The following SLC8A3 variants were observed in gnomAD, a reference collection of about 807,000 sequenced individuals.
SLC8A3 encodes sodium/calcium exchanger 3.
In SLC8A3, 37 loss-of-function variants were observed where a neutral mutation model predicts 65.4. The ratio of observed to expected loss-of-function variants is 0.57; its 90% CI spans 0.44 to 0.74. The LOEUF is 0.74. Among genes scored for constraint, SLC8A3 ranks in the 30% least tolerant of loss-of-function variants. SLC8A3 has a pLI of 0.00. For missense variants in SLC8A3, 1,112 were observed against 1,172.1 expected (o/e 0.95, Z 0.75); for synonymous variants, 461 against 444.5 (o/e 1.04, Z -0.47).
intron 2 of SLC8A3, among the ~76,000 whole-genome samples, chr14:70,144,218 T>C (rs1895752282): frequency 6.6e-6 from 1 of 151,730 alleles, no homozygotes; most frequent in Non-Finnish European, 1.5e-5. Context: ...CTCCGTCTGT[T>C]GCCACAGCCT....
intron 1 of SLC8A3, among the ~76,000 whole-genome samples, chr14:70,181,699 T>C (rs984338676): frequency 2.0e-5 from 3 of 152,092 alleles, no homozygotes; most frequent in Non-Finnish European, 4.4e-5. Context: ...AGGCTAGATA[T>C]GGAGTGGGGC....
In SLC8A3 at chr14:70,066,890, T is replaced by C. The variant is rs541983651; in HGVS notation, c.1785-5951A>G. 7.2e-5 allele frequency among the ~76,000 whole-genome samples: 11 copies of C among 152,138 alleles called. No homozygotes were observed. The East Asian group carries it at 1.9e-3, about 27-fold the overall frequency. On this transcript the variant is annotated intron_variant, in intron 2 of 6. Transcript: ENST00000356921. Reference sequence around the variant, plus strand: ...GGCTTTGCAGTAGCCTCCTAAGAGATTTTCCTGTTCCTGCCTTTGCCCTCT... The same window carrying C: ...GGCTTTGCAGTAGCCTCCTAAGAGACTTTCCTGTTCCTGCCTTTGCCCTCT...
chr14:70,100,194 C>T (rs1006784727), intron 2 of SLC8A3, among the ~76,000 whole-genome samples: 2 of 152,166 alleles, frequency 1.3e-5, no homozygotes, highest in Non-Finnish European at 2.9e-5. Context: ...GCTTCTGAGC[C>T]AAAGTGTTGC....
rs1250596233 is a variant in SLC8A3 at position 70,166,360 on chromosome 14, C to G, written c.1784+279G>C. On this transcript the variant is annotated intron_variant, in intron 2 of 6. Transcript: ENST00000356921. ...AAACTTCTGTCATCCCACAGCTCCA[C>G]CAGCTATCATTTTGTGTTTCAGAGA... Among the ~76,000 whole-genome samples the G allele has an allele frequency of 4.6e-5, 7 of 152,226 alleles. 1 individual carries two copies. Among genetic ancestry groups the G allele is most frequent in the Admixed American group, 4.6e-4 (7 of 15,282 alleles).
At chr14:70,172,148 T>C (rs79658903) in intron 1 of SLC8A3, among the ~76,000 whole-genome samples, 4 of 151,158 alleles carry the variant, frequency 2.6e-5, no homozygotes, top group African/African-American at 9.9e-5. Context: ...ACTTGAGATC[T>C]TTTCCCCCAC....
chr14:70,163,134 T>C (rs183308876), intron 2 of SLC8A3, among the ~76,000 whole-genome samples: 5 of 152,334 alleles, frequency 3.3e-5, no homozygotes, highest in African/African-American at 2.4e-5. Context: ...CTAACAAATG[T>C]TTGTTGAATG....
At chr14:70,082,993 C>G (rs1236520869) in intron 2 of SLC8A3, among the ~76,000 whole-genome samples, 1 of 152,060 alleles carries the variant, frequency 6.6e-6, no homozygotes, top group Admixed American at 6.6e-5. Flanking sequence ...AGGAGGGAAA[C>G]AGGGGCAGGA....
At chr14:70,062,609 CA>C (rs1888934193) in intron 2 of SLC8A3, among the ~76,000 whole-genome samples, 1 of 152,212 alleles carries the variant, frequency 6.6e-6, no homozygotes, top group African/African-American at 2.4e-5. Context: ...CCCACGATGA[CA>C]AAATTGCTTA....
chr14:70,095,884 C>CT (rs546594935), intron 2 of SLC8A3, among the ~76,000 whole-genome samples: 66 of 148,288 alleles, frequency 4.5e-4, no homozygotes, highest in African/African-American at 5.2e-4. Context: ...CATATATCTT[C>CT]TTTTTTTTTT....
intron 2 of SLC8A3, among the ~76,000 whole-genome samples, chr14:70,149,271 G>A (rs1479673035): frequency 1.3e-5 from 2 of 152,190 alleles, no homozygotes; most frequent in Non-Finnish European, 2.9e-5. Flanking sequence ...CCCTGATTGG[G>A]AAAAGCAGAA....
intron 2 of SLC8A3, among the ~76,000 whole-genome samples, chr14:70,068,219 T>A (rs149867487): frequency 7.7e-4 from 117 of 152,316 alleles, no homozygotes; most frequent in African/African-American, 2.8e-3. Context: ...TGAGTTCCTT[T>A]AGAGTGAAAG....
chr14:70,144,628 TAAAAAA>T (rs34113457), intron 2 of SLC8A3, among the ~76,000 whole-genome samples: 1 of 143,038 alleles, frequency 7.0e-6, no homozygotes, highest in Non-Finnish European at 1.5e-5. Context: ...AGACTCCACC[TAAAAAA>T]AAAAAAAGAA....
intron 3 of SLC8A3, 59 bp downstream of exon 3, chr14:70,060,777 A>G: frequency 1.1e-6 from 1 of 934,770 alleles, no homozygotes; most frequent in Non-Finnish European, 1.8e-6. Flanking sequence ...GTTGTTTTTC[A>G]GTTTGTTTTA....
chr14:70,184,434 C>T (rs1198115295), intron 1 of SLC8A3, among the ~76,000 whole-genome samples: 2 of 152,224 alleles, frequency 1.3e-5, no homozygotes, highest in African/African-American at 4.8e-5. Context: ...TCTCTGTCTT[C>T]AGTCATTTGA....
intron 1 of SLC8A3, among the ~76,000 whole-genome samples, chr14:70,184,163 G>T (rs1041471380): frequency 6.6e-6 from 1 of 152,114 alleles, no homozygotes; most frequent in African/African-American, 2.4e-5. Context: ...GAAACAGAAA[G>T]AAGAAACCCC....
intron 1 of SLC8A3, among the ~76,000 whole-genome samples, chr14:70,180,731 G>C (rs906420586): frequency 3.9e-5 from 6 of 152,220 alleles, no homozygotes; most frequent in Non-Finnish European, 8.8e-5. Flanking sequence ...AAGTGCAGGA[G>C]TTGAGATAGG....
At chr14:70,058,720 C>A (rs1178939118) in intron 3 of SLC8A3, among the ~76,000 whole-genome samples, 1 of 152,170 alleles carries the variant, frequency 6.6e-6, no homozygotes, top group East Asian at 1.9e-4. Context: ...TTAAGGGAGG[C>A]ATAAGAGAAG....
intron 2 of SLC8A3, among the ~76,000 whole-genome samples, chr14:70,139,270 C>T (rs1159277080): frequency 6.6e-6 from 1 of 152,092 alleles, no homozygotes; most frequent in Non-Finnish European, 1.5e-5. Flanking sequence ...AGAGAAGTGC[C>T]CCCTCTTACC....
chr14:70,185,313 G>A (rs1170961308), intron 1 of SLC8A3, among the ~76,000 whole-genome samples: 1 of 152,240 alleles, frequency 6.6e-6, no homozygotes, highest in Non-Finnish European at 1.5e-5. Context: ...AAGAAGTCCA[G>A]ATGTGTGACA....
Sources: gnomAD v4.1 joint callset for allele counts (sites outside exome capture counted in the v4.1 genomes callset) on GRCh38, gnomAD v4.1.1 for gene constraint, MANE v1.5 for transcripts, NCBI Gene and HGNC (gene_info 2026-07-23, HGNC 2026-07-21) for gene names.